Variants in RELCH observed in about 807,000 individuals in gnomAD.
RELCH encodes the protein RAB11-binding protein RELCH.
In RELCH, 41 loss-of-function variants were observed where a neutral mutation model predicts 150.3. The ratio of observed to expected loss-of-function variants is 0.27; its 90% CI spans 0.21 to 0.35. The LOEUF is 0.35. Among genes scored for constraint, RELCH ranks in the 10% least tolerant of loss-of-function variants. The pLI, the probability that RELCH is intolerant of heterozygous loss-of-function variation, is 1.00. For missense variants in RELCH, 1,092 were observed against 1,467.8 expected (o/e 0.74, Z 4.18); for synonymous variants, 478 against 531.8 (o/e 0.90, Z 1.39).
chr18:62,215,727 A>G (rs1350154952), intron 2 of RELCH, among the ~76,000 whole-genome samples: 2 of 152,164 alleles, frequency 1.3e-5, no homozygotes, highest in Non-Finnish European at 2.9e-5. Flanking sequence ...AGTAGCTTCC[A>G]TATAGTAAGG....
intron 1 of RELCH, among the ~76,000 whole-genome samples, chr18:62,202,346 C>T (rs1371378180): frequency 6.6e-6 from 1 of 152,156 alleles, no homozygotes; most frequent in Non-Finnish European, 1.5e-5. Context: ...TTTAATATAA[C>T]CTGTTACTAG....
chr18:62,254,649 G>T (rs1247181979), intron 12 of RELCH: 2 of 151,972 alleles, frequency 1.3e-5, no homozygotes, highest in African/African-American at 4.8e-5. Context: ...CCTCCAGTTT[G>T]TTGCCCAGTA....
At chr18:62,206,106 G>A (rs2039763501) in intron 1 of RELCH, among the ~76,000 whole-genome samples, 1 of 152,144 alleles carries the variant, frequency 6.6e-6, no homozygotes, top group South Asian at 2.1e-4. Flanking sequence ...TTTTGAGATG[G>A]AGACTCCTTC....
rs2043585910 is a variant in RELCH at position 62,266,752 on chromosome 18, G to A, written c.2680+3G>A. The A allele has an allele frequency of 1.3e-6, 2 of 1,568,358 alleles. No homozygotes were observed. The highest frequency in any genetic ancestry group is 1.7e-5 in the Admixed American group (1 of 58,830). On this transcript the variant is annotated splice_donor_region_variant and intron_variant, in intron 19 of 28. Coordinates refer to ENST00000644646, the MANE Select transcript of RELCH (RefSeq NM_001346231.2). ...AAGACTATCTGAAGAAAACATTGGTGAGTTTGTTCATTATTACTTTTAAAA... is the reference window on the plus strand; with the variant it reads ...AAGACTATCTGAAGAAAACATTGGTAAGTTTGTTCATTATTACTTTTAAAA...
chr18:62,245,808 T>C (rs2042379865), intron 11 of RELCH: 1 of 152,168 alleles, frequency 6.6e-6, no homozygotes, highest in Admixed American at 6.5e-5. Flanking sequence ...TAATACACTT[T>C]TCTGCTTTCT....
At chr18:62,280,210 T>G (rs1225821687) in intron 23 of RELCH, 29 of 646,128 alleles carry the variant, frequency 4.5e-5, no homozygotes, top group Non-Finnish European at 6.6e-5. Flanking sequence ...TGTAGTAGCA[T>G]GAACCAATGG....
chr18:62,266,629 A>T (rs2043578266), intron 18 of RELCH, 72 bp from the exon 19 acceptor site: 5 of 879,842 alleles, frequency 5.7e-6, no homozygotes, highest in Non-Finnish European at 9.4e-6. Context: ...TAGCAACAGT[A>T]GTAAACATTT....
At chr18:62,273,862 T>C in intron 20 of RELCH, 118 bp from the exon 21 acceptor site, 1 of 643,604 alleles carries the variant, frequency 1.6e-6, no homozygotes, top group Non-Finnish European at 2.8e-6. Context: ...TAAAATAGCT[T>C]CCAAATTTGG....
chr18:62,275,423 G>C lies in RELCH; in HGVS notation c.2917G>C (p.Val973Leu), dbSNP rs1176687771. The C allele has an allele frequency of 1.3e-6, 2 of 1,598,852 alleles. No homozygotes were observed. The highest frequency in any genetic ancestry group is 1.7e-6 in the Non-Finnish European group (2 of 1,174,140). Reference sequence around the variant, plus strand: ...ACTATTAACTGTTTTGTGGTATGGTGTTGTCCATACTTCAGCACTCGTGAG... The same window carrying C: ...ACTATTAACTGTTTTGTGGTATGGTCTTGTCCATACTTCAGCACTCGTGAG... The part of the protein sequence containing the change: ...ELLLTVLWYG[V>L]VHTSALVRCT... The change falls in exon 22 of 29, where the codon GTT (valine) becomes CTT (leucine). Residue 973 changes from valine to leucine, a missense_variant. Physicochemically the swap from Val to Leu is conservative, Grantham distance 32. This residue lies in a region of RELCH where 707 missense variants were observed against 1,025.4 expected (regional missense o/e 0.69). Coordinates refer to ENST00000644646, the MANE Select transcript of RELCH (RefSeq NM_001346231.2).
intron 20 of RELCH, among the ~76,000 whole-genome samples, chr18:62,270,842 T>C (rs1049728336): frequency 6.6e-6 from 1 of 151,924 alleles, no homozygotes; most frequent in African/African-American, 2.4e-5. Context: ...CCCCGCCTTG[T>C]GTCCAAGTGT....
At chr18:62,228,192 C>T in intron 7 of RELCH, 113 bp from the exon 8 acceptor site, 1 of 816,744 alleles carries the variant, frequency 1.2e-6, no homozygotes, top group Non-Finnish European at 2.0e-6. Context: ...CAATCATTTG[C>T]TACTAATACT....
intron 20 of RELCH, chr18:62,269,627 T>C (rs1435047290): frequency 2.1e-5 from 4 of 187,868 alleles, no homozygotes; most frequent in Admixed American, 1.6e-4. Flanking sequence ...ATCTGGTTGG[T>C]TGGCATCACG....
intron 11 of RELCH, among the ~76,000 whole-genome samples, chr18:62,248,690 AT>A (rs1311922608): frequency 5.3e-5 from 8 of 152,244 alleles, no homozygotes; most frequent in African/African-American, 1.7e-4. Context: ...TTATAAAAAA[AT>A]AAAATATTTA....
rs763547987 is a variant in RELCH at position 62,264,743 on chromosome 18, T to C, written c.2522T>C (p.Ile841Thr). The C allele has an allele frequency of 6.9e-6, 11 of 1,595,444 alleles. No homozygotes were observed. Among genetic ancestry groups the C allele is most frequent in the Middle Eastern group, 1.7e-4 (1 of 5,976 alleles). The change falls in exon 18 of 29, where the codon ATA becomes ACA. Residue 841 changes from isoleucine (I) to threonine (T), a missense_variant. Around this residue, in one of 4 missense-constraint regions of RELCH, gnomAD observed 707 missense variants for 1,025.4 expected, o/e 0.69. Coordinates refer to ENST00000644646, the MANE Select transcript of RELCH (RefSeq NM_001346231.2). The part of the protein sequence containing the change: ...WVVNQLLPQL[I>T]EIVGKINVTS... ...TTCATATTCAGGTTGCCACAACTTA[T>C]AGAAATAGTTGGCAAAATTAATGTT... is the stretch of plus-strand genomic sequence containing the variant.
intron 1 of RELCH, among the ~76,000 whole-genome samples, chr18:62,195,234 T>G (rs1283749878): frequency 6.6e-6 from 1 of 152,050 alleles, no homozygotes; most frequent in East Asian, 1.9e-4. Context: ...GATGAACCAA[T>G]TAGATCTTTT....
chr18:62,296,929 T>C (rs1217296401), intron 27 of RELCH, among the ~76,000 whole-genome samples: 11 of 152,246 alleles, frequency 7.2e-5, no homozygotes. Flanking sequence ...TAGTATTTTG[T>C]TGAGGATCCT....
chr18:62,227,377 T>C lies in RELCH; in HGVS notation c.947T>C (p.Val316Ala). The change falls in exon 6 of 29, where the codon GTA becomes GCA. Residue 316 changes from valine (V) to alanine (A), a missense_variant. Physicochemically the swap from Val to Ala is moderately conservative, Grantham distance 64 (BLOSUM62 0). Around this residue, in one of 4 missense-constraint regions of RELCH, gnomAD observed 57 missense variants for 41.5 expected, o/e 1.37. Transcript: ENST00000644646. Reference sequence around the variant, plus strand: ...TACCGGGATTTTGGAAATCATCAAGTAACTGGAAAAGATCTTGTAGATGTG... The same window carrying C: ...TACCGGGATTTTGGAAATCATCAAGCAACTGGAAAAGATCTTGTAGATGTG... ...QLYRDFGNHQ[V>A]TGKDLVDVAS... The C allele has an allele frequency of 1.2e-6, 2 of 1,612,822 alleles. No individual in the cohort carries two copies. The highest frequency in any genetic ancestry group is 1.7e-6 in the Non-Finnish European group (2 of 1,179,168).
At chr18:62,258,146 A>T (rs1420813774) in intron 14 of RELCH, 58 bp downstream of exon 14, 1 of 1,381,292 alleles carries the variant, frequency 7.2e-7, no homozygotes, top group Non-Finnish European at 1.0e-6. Flanking sequence ...GTATTATAAT[A>T]TTCCAAATCT....
Position 62,187,727 on chromosome 18 carries a change from G to A in RELCH, c.222G>A (p.Glu74=). The A allele has an allele frequency of 6.2e-7, 1 of 1,608,986 alleles. No homozygotes were observed. Among genetic ancestry groups the A allele is most frequent in the South Asian group, 1.1e-5 (1 of 90,762 alleles). ...GSSARPGLPG[E]ASAAAVALGG... ...GTGCGCGGCCAGGGCTCCCTGGGGAGGCGTCGGCGGCTGCAGTGGCCCTGG... is the reference window on the plus strand; with the variant it reads ...GTGCGCGGCCAGGGCTCCCTGGGGAAGCGTCGGCGGCTGCAGTGGCCCTGG... Residue 74 remains glutamate (E), a synonymous_variant, in exon 1 of 29, where the codon GAG becomes GAA. Transcript: ENST00000644646.
Sources: allele counts gnomAD v4.1 joint callset (sites outside exome capture counted in the v4.1 genomes callset), GRCh38; gene constraint gnomAD v4.1.1; regional missense constraint gnomAD v4.1.1; transcripts MANE v1.5; gene names NCBI Gene and HGNC (gene_info 2026-07-23, HGNC 2026-07-21).